The following VTCN1 variants were observed in gnomAD, a reference collection of about 807,000 sequenced individuals.
VTCN1 encodes V-set domain-containing T-cell activation inhibitor 1.
A neutral mutation model predicts 26.5 loss-of-function variants in VTCN1; 26 were observed. That is an observed-to-expected ratio of 0.98 (90% CI 0.72 to 1.36). The LOEUF is 1.36. Ranked by LOEUF, VTCN1 falls within the 40% of genes most tolerant of loss-of-function variation. The pLI is 0.00. For missense variants in VTCN1, 298 were observed against 337.7 expected (o/e 0.88, Z 0.92); for synonymous variants, 116 against 130.7 (o/e 0.89, Z 0.77).
rs1176983829 is a variant in VTCN1, at chr1:117,145,367, C to T, written c.*46-142G>A. The T allele has an allele frequency of 6.6e-6, 1 of 152,146 alleles. No individual in the cohort carries two copies. The highest frequency in any genetic ancestry group is 1.9e-4 in the East Asian group (1 of 5,182). 9.4% of individuals were successfully genotyped at this position (152,146 alleles called of 1,614,324 possible). On this transcript the variant is annotated intron_variant, in intron 5 of 5. Coordinates refer to ENST00000369458, the MANE Select transcript of VTCN1 (RefSeq NM_024626.4). This position sits in a 1 kb window ranked among gnomAD's most constrained non-coding sequence, Gnocchi z 4.6. ...TATTTTTCAGTATTTTGATGTTGTTCTATTGAGGCCACATGGTCCCATGGG... is the reference window on the plus strand; with the variant it reads ...TATTTTTCAGTATTTTGATGTTGTTTTATTGAGGCCACATGGTCCCATGGG...
intron 2 of VTCN1, among the ~76,000 whole-genome samples, chr1:117,168,018 A>C (rs1652704414): frequency 1.3e-5 from 2 of 152,238 alleles, no homozygotes; most frequent in African/African-American, 4.8e-5. Flanking sequence ...AAAAACCGAA[A>C]TTATGAACAG....
chr1:117,171,830 G>A (rs528900268), intron 1 of VTCN1, among the ~76,000 whole-genome samples: 1 of 152,316 alleles, frequency 6.6e-6, no homozygotes, highest in South Asian at 2.1e-4. Flanking sequence ...GCAGAGCAGA[G>A]ATTAGAATTT....
chr1:117,205,144 T>A (rs10923225), intron 1 of VTCN1, among the ~76,000 whole-genome samples: 8,825 of 134,668 alleles, frequency 0.066, 337 homozygotes, highest in Middle Eastern at 0.088. Flanking sequence ...ATATATATTT[T>A]TATATATATA....
Position 117,156,705 on chromosome 1 carries a change from G to T in VTCN1, c.314C>A (p.Ala105Asp), listed in dbSNP as rs752479628. ...GGCATTGCCAACTATCACTTGATCA[G>T]CAAACACTGCTGTCCGGCCTCTGAA... ...EMFRGRTAVF[A>D]DQVIVGNASL... Residue 105 changes from alanine (A) to aspartate (D), a missense_variant, in exon 3 of 6, where the codon GCT (alanine) becomes GAT (aspartate). By Grantham distance (126) the Ala-to-Asp change is moderately radical. Coordinates refer to ENST00000369458, the MANE Select transcript of VTCN1 (RefSeq NM_024626.4). 3.1e-6 allele frequency: 5 copies of T among 1,614,156 alleles called. No homozygotes were observed. Among genetic ancestry groups the T allele is most frequent in the Admixed American group, 1.7e-5 (1 of 60,024 alleles).
At chr1:117,172,501 T>G in intron 1 of VTCN1, 1 of 518,610 alleles carries the variant, frequency 1.9e-6, no homozygotes, top group Non-Finnish European at 3.9e-6. Context: ...CTTTGACTAC[T>G]GACACAGGCA....
At chr1:117,188,794 C>T (rs534348913) in intron 1 of VTCN1, among the ~76,000 whole-genome samples, 57 of 152,160 alleles carry the variant, frequency 3.7e-4, no homozygotes, top group Non-Finnish European at 7.2e-4. Flanking sequence ...ATTTTTATTT[C>T]AGGGTAATGA....
At chr1:117,163,954 C>T (rs1364936386) in intron 2 of VTCN1, among the ~76,000 whole-genome samples, 4 of 152,100 alleles carry the variant, frequency 2.6e-5, no homozygotes, top group Admixed American at 6.5e-5. Context: ...CACACCTAGT[C>T]GGTTTATCCA....
chr1:117,180,715 G>T (rs1362832007), intron 1 of VTCN1, among the ~76,000 whole-genome samples: 1 of 152,148 alleles, frequency 6.6e-6, no homozygotes, highest in Non-Finnish European at 1.5e-5. Context: ...TCTTTTCATG[G>T]TTGGCTGTTG....
intron 1 of VTCN1, among the ~76,000 whole-genome samples, chr1:117,188,141 G>C (rs888270102): frequency 6.6e-6 from 1 of 152,162 alleles, no homozygotes. Flanking sequence ...GTTCTTGATG[G>C]GGTAAGGTGG....
chr1:117,167,853 G>C lies in VTCN1; in HGVS notation c.97+2254C>G, dbSNP rs993676849. On this transcript the variant is annotated intron_variant, in intron 2 of 5. Coordinates refer to ENST00000369458, the MANE Select transcript of VTCN1 (RefSeq NM_024626.4). This position sits in a 1 kb window ranked among gnomAD's most constrained non-coding sequence, Gnocchi z 4.1. ...TAGTAAAATAGGAATACAGATCAGA[G>C]AAAATATAAATAAGCTAAAAGCTGG... is the stretch of plus-strand genomic sequence containing the variant. Among the ~76,000 whole-genome samples the C allele has an allele frequency of 2.0e-5, 3 of 151,986 alleles. No homozygotes were observed.
chr1:117,148,576 T>C (rs1651634614), intron 4 of VTCN1, among the ~76,000 whole-genome samples: 1 of 152,218 alleles, frequency 6.6e-6, no homozygotes, highest in Non-Finnish European at 1.5e-5. Flanking sequence ...TTGAACTCTG[T>C]CTTGAGTTCC....
rs1304683149 is a variant in VTCN1 at position 117,159,794 on chromosome 1, G to A, written c.98-2873C>T. 6.6e-6 allele frequency among the ~76,000 whole-genome samples: 1 copy of A among 152,194 alleles called. No homozygotes were observed. The highest frequency in any genetic ancestry group is 1.5e-5 in the Non-Finnish European group (1 of 68,038). On this transcript the variant is annotated intron_variant, in intron 2 of 5. Transcript: ENST00000369458. This position sits in a 1 kb window ranked among gnomAD's most constrained non-coding sequence, Gnocchi z 4.7. The stretch of plus-strand genomic sequence containing the variant: ...AAACTAAGGCAGTGAGAAAATAACT[G>A]ATTTGATCAAGTTTACAGTGCTAGC...
At chr1:117,173,071 G>A (rs1302294414) in intron 1 of VTCN1, 11 of 693,018 alleles carry the variant, frequency 1.6e-5, no homozygotes, top group Non-Finnish European at 3.0e-5. Context: ...AACACTTACC[G>A]TGAAGGACCG....
intron 2 of VTCN1, among the ~76,000 whole-genome samples, chr1:117,158,410 G>A (rs1294789214): frequency 6.6e-6 from 1 of 152,224 alleles, no homozygotes; most frequent in East Asian, 1.9e-4. Context: ...CCACATAGAA[G>A]CTGCCGAGAC....
At chr1:117,198,181 G>T (rs535443945) in intron 1 of VTCN1, among the ~76,000 whole-genome samples, 11 of 152,282 alleles carry the variant, frequency 7.2e-5, no homozygotes, top group African/African-American at 2.6e-4. Context: ...CTTCCCTGAA[G>T]TATCATGATT....
intron 1 of VTCN1, among the ~76,000 whole-genome samples, chr1:117,210,488 G>A (rs1031282888): frequency 6.6e-6 from 1 of 152,204 alleles, no homozygotes; most frequent in Non-Finnish European, 1.5e-5. Context: ...CCTGCTCAGT[G>A]TCCCCATGGT....
chr1:117,204,967 T>G (rs1023486358), intron 1 of VTCN1, among the ~76,000 whole-genome samples: 1 of 151,664 alleles, frequency 6.6e-6, no homozygotes, highest in Admixed American at 6.6e-5. Context: ...TAAAATGAGG[T>G]GTACTGACTT....
At chr1:117,187,407 G>A (rs1482383615) in intron 1 of VTCN1, among the ~76,000 whole-genome samples, 2 of 151,204 alleles carry the variant, frequency 1.3e-5, no homozygotes, top group Non-Finnish European at 2.9e-5. Context: ...TGTTCCTTCA[G>A]GCACTTGAGG....
At chr1:117,181,745 A>G (rs1380916508) in intron 1 of VTCN1, among the ~76,000 whole-genome samples, 2 of 152,160 alleles carry the variant, frequency 1.3e-5, no homozygotes, top group African/African-American at 4.8e-5. Flanking sequence ...AGGGGGAACT[A>G]GGCCCCAAAA....
Sources: allele counts gnomAD v4.1 joint callset (sites outside exome capture counted in the v4.1 genomes callset), GRCh38; gene constraint gnomAD v4.1.1; non-coding constraint Gnocchi (gnomAD v3.1); transcripts MANE v1.5; gene names NCBI Gene and HGNC (gene_info 2026-07-23, HGNC 2026-07-21).